CALN1: variants seen among roughly 807,000 people sequenced by gnomAD.
CALN1 encodes calcium-binding protein 8.
In CALN1, 17 loss-of-function variants were observed where a neutral mutation model predicts 30.6. The observed-to-expected ratio is 0.56, with a 90% CI of 0.38 to 0.83. The LOEUF (loss-of-function observed/expected upper bound fraction) is 0.83. Ranked by LOEUF, CALN1 falls within the 40% of genes least tolerant of loss-of-function variation. The probability of loss-of-function intolerance (pLI) is 0.00; values close to 1 mark genes in which losing one functional copy is unlikely to be tolerated. For synonymous variants in CALN1, 156 were observed against 131.4 expected, an observed-to-expected ratio of 1.19 and a Z score of -1.28; for missense variants, 291 against 354.9, an observed-to-expected ratio of 0.82 and a Z score of 1.45.
At chr7:72,385,988 C>G (rs1805190234) in intron 2 of CALN1, among the ~76,000 whole-genome samples, 1 of 152,148 alleles carries the variant, frequency 6.6e-6, no homozygotes, top group South Asian at 2.1e-4. Flanking sequence ...ACGGATTGAT[C>G]TTAAATTCAT....
intron 2 of CALN1, among the ~76,000 whole-genome samples, chr7:72,362,133 A>C (rs1431251107): frequency 6.6e-6 from 1 of 152,118 alleles, no homozygotes; most frequent in East Asian, 1.9e-4. Flanking sequence ...ACAGTTTCTT[A>C]AGTATGTTAA....
chr7:72,272,892 T>C (rs554205113), intron 3 of CALN1, among the ~76,000 whole-genome samples: 28 of 152,206 alleles, frequency 1.8e-4, no homozygotes, highest in African/African-American at 6.5e-4. Context: ...TCCTGGGTTA[T>C]CTATACAGCA....
chr7:72,366,146 CTTT>C (rs34324814), intron 2 of CALN1, among the ~76,000 whole-genome samples: 48,907 of 151,548 alleles, frequency 0.32, 9,562 homozygotes, highest in Middle Eastern at 0.5. Flanking sequence ...TATTTTTTAT[CTTT>C]TTTATTTTAT....
At chr7:72,140,368 G>A (rs1809832492) in intron 3 of CALN1, among the ~76,000 whole-genome samples, 1 of 97,012 alleles carries the variant, frequency 1.0e-5, no homozygotes, top group Admixed American at 1.1e-4. Context: ...GGGAGGGAGG[G>A]AGGGAGGGAG....
At chr7:71,952,708 G>A (rs1472585909) in intron 5 of CALN1, among the ~76,000 whole-genome samples, 10 of 151,952 alleles carry the variant, frequency 6.6e-5, no homozygotes, top group Non-Finnish European at 2.9e-5. Flanking sequence ...GACGCCCCAG[G>A]TGCCGGGCTG....
At chr7:71,938,391 A>G (rs1197506373) in intron 5 of CALN1, among the ~76,000 whole-genome samples, 1 of 152,224 alleles carries the variant, frequency 6.6e-6, no homozygotes, top group Non-Finnish European at 1.5e-5. Context: ...TAGGAAGATC[A>G]GGGAAAGGTC....
intron 2 of CALN1, among the ~76,000 whole-genome samples, chr7:72,307,561 G>A (rs545345919): frequency 6.6e-6 from 1 of 152,346 alleles, no homozygotes; most frequent in Admixed American, 6.5e-5. Context: ...GCCTCGCAAA[G>A]CTTGCAGAAT....
At chr7:71,793,180 C>T (rs771560146) in intron 6 of CALN1, among the ~76,000 whole-genome samples, 32 of 152,038 alleles carry the variant, frequency 2.1e-4, no homozygotes, top group African/African-American at 2.7e-4. Flanking sequence ...GTGGCGGGCG[C>T]CTGTAATACC....
chr7:71,870,053 T>A (rs1176606974), intron 5 of CALN1, among the ~76,000 whole-genome samples: 1 of 152,196 alleles, frequency 6.6e-6, no homozygotes, highest in Admixed American at 6.5e-5. Context: ...GGAGTGGGGA[T>A]GGGCTTTACC....
intron 5 of CALN1, among the ~76,000 whole-genome samples, chr7:71,954,766 C>G (rs903581312): frequency 6.6e-6 from 1 of 152,148 alleles, no homozygotes; most frequent in Non-Finnish European, 1.5e-5. Flanking sequence ...GAATGAAAAT[C>G]AAGACAGAGT....
At chr7:72,423,792 G>A (rs1019628435) in intron 1 of CALN1, among the ~76,000 whole-genome samples, 5 of 151,080 alleles carry the variant, frequency 3.3e-5, no homozygotes, top group Non-Finnish European at 7.4e-5. Context: ...ACTCCAGCCT[G>A]GGTGACAGAG....
At chr7:72,330,466 CAAA>C (rs34819395) in intron 2 of CALN1, among the ~76,000 whole-genome samples, 2 of 113,004 alleles carry the variant, frequency 1.8e-5, no homozygotes. Flanking sequence ...AGACTGTCTC[CAAA>C]AAAAAAAAAA....
At chr7:72,218,134 G>A (rs559921881) in intron 3 of CALN1, among the ~76,000 whole-genome samples, 33 of 151,444 alleles carry the variant, frequency 2.2e-4, no homozygotes, top group African/African-American at 7.2e-4. Context: ...GAGCCACCCC[G>A]CTCCGCCAAA....
chr7:72,299,055 C>G (rs775834029), intron 2 of CALN1, among the ~76,000 whole-genome samples: 3 of 152,150 alleles, frequency 2.0e-5, no homozygotes, highest in Non-Finnish European at 4.4e-5. Context: ...ACTTGTGTCA[C>G]AAGTCACTGG....
chr7:71,844,194 G>C (rs990399564), intron 5 of CALN1, among the ~76,000 whole-genome samples: 14 of 152,078 alleles, frequency 9.2e-5, no homozygotes, highest in Admixed American at 9.2e-4. Context: ...TCATTCTTGG[G>C]AATTCCTTTT....
At chr7:72,395,190 C>A (rs138119653) in intron 2 of CALN1, among the ~76,000 whole-genome samples, 230 of 152,284 alleles carry the variant, frequency 1.5e-3, no homozygotes, top group Middle Eastern at 3.4e-3. Context: ...ACACCAATGG[C>A]ACTTGAATAA....
intron 5 of CALN1, among the ~76,000 whole-genome samples, chr7:71,932,543 G>T (rs568667761): frequency 1.2e-3 from 188 of 152,198 alleles, no homozygotes; most frequent in Non-Finnish European, 1.6e-3. Flanking sequence ...GCCGGGCAGG[G>T]TGGCTCACGC....
intron 3 of CALN1, among the ~76,000 whole-genome samples, chr7:72,248,343 C>T (rs1428658241): frequency 6.6e-6 from 1 of 152,062 alleles, no homozygotes; most frequent in African/African-American, 2.4e-5. Flanking sequence ...TAGAACTCCA[C>T]CCACCTTGGC....
intron 5 of CALN1, among the ~76,000 whole-genome samples, chr7:71,984,174 A>G (rs1294128927): frequency 6.6e-6 from 1 of 152,076 alleles, no homozygotes; most frequent in African/African-American, 2.4e-5. Context: ...CCAAAAAAAC[A>G]CTCTTTCTCT....
Sources: allele counts gnomAD v4.1 joint callset (sites outside exome capture counted in the v4.1 genomes callset), GRCh38; gene constraint gnomAD v4.1.1; transcripts MANE v1.5; gene names NCBI Gene and HGNC (gene_info 2026-07-23, HGNC 2026-07-21).